The following SOCS4 variants were observed in gnomAD, a reference collection of about 807,000 sequenced individuals.
SOCS4 encodes the protein suppressor of cytokine signaling 4, also known as SH2 domain containing SOCS box protein.
SOCS4 carries 20 observed loss-of-function variants against 34.1 expected under a neutral mutation model. The observed-to-expected ratio is 0.59, with a 90% CI of 0.41 to 0.85. The LOEUF (loss-of-function observed/expected upper bound fraction) is 0.85, where lower values mean the gene tolerates loss of function less well. SOCS4 is among the 40% of genes least tolerant of loss of function. SOCS4 has a pLI of 0.00. For synonymous variants in SOCS4, 180 were observed against 186.4 expected, an observed-to-expected ratio of 0.97 and a Z score of 0.28; for missense variants, 479 against 532.4, an observed-to-expected ratio of 0.90 and a Z score of 0.99.
At chr14:55,033,229 T>G (rs1214470422) in intron 2 of SOCS4, among the ~76,000 whole-genome samples, 1 of 152,190 alleles carries the variant, frequency 6.6e-6, no homozygotes, top group African/African-American at 2.4e-5. Context: ...AAACTAATCT[T>G]TAGTCTTCAT....
chr14:55,041,486 T>G (rs572340103), intron 2 of SOCS4, among the ~76,000 whole-genome samples: 227 of 152,162 alleles, frequency 1.5e-3, no homozygotes, highest in African/African-American at 5.3e-3. Context: ...AATCTTTTTT[T>G]TTTTTCCTCC....
chr14:55,044,836 T>C lies in SOCS4; in HGVS notation c.*472T>C, dbSNP rs1347843298. On this transcript the variant is annotated 3_prime_UTR_variant, in exon 3 of 3. Coordinates refer to ENST00000555846, the MANE Select transcript of SOCS4 (RefSeq NM_199421.2). ...ATATAGTTCCCCGTCCCCCTTTTCATTGAGTTTGATATTCTTCAGTAAAGC... is the reference window on the plus strand; with the variant it reads ...ATATAGTTCCCCGTCCCCCTTTTCACTGAGTTTGATATTCTTCAGTAAAGC... 1.2e-5 allele frequency: 2 copies of C among 167,178 alleles called. No homozygotes were observed. Among genetic ancestry groups the C allele is most frequent in the Non-Finnish European group, 1.5e-5 (1 of 68,186 alleles). 10.4% of individuals were successfully genotyped at this position (167,178 alleles called of 1,614,324 possible).
intron 2 of SOCS4, 141 bp downstream of exon 2, chr14:55,032,132 A>G (rs1461362964): frequency 6.6e-6 from 1 of 152,204 alleles, no homozygotes. Context: ...TAGTATTTAC[A>G]TTAGTTGTGG....
intron 2 of SOCS4, among the ~76,000 whole-genome samples, chr14:55,041,781 A>ATTTTTTTTTTTTTTTT (rs2042620490): frequency 1.4e-5 from 1 of 72,870 alleles, no homozygotes; most frequent in African/African-American, 5.9e-5. Context: ...CCAACCCTTA[A>ATTTTTTTTTTTTTTTT]TCTTTTTTTT....
chr14:55,044,435 A>T lies in SOCS4; in HGVS notation c.*71A>T. Reference sequence around the variant, plus strand: ...AATATTTTATTTTTCTTTTTATGCCACTTTGGATTTTTCTACAAAGGCAGT... The same window carrying T: ...AATATTTTATTTTTCTTTTTATGCCTCTTTGGATTTTTCTACAAAGGCAGT... On this transcript the variant is annotated 3_prime_UTR_variant, in exon 3 of 3. Coordinates refer to ENST00000555846, the MANE Select transcript of SOCS4 (RefSeq NM_199421.2). 1 of 1,181,574 alleles carries T rather than the reference A, an allele frequency of 8.5e-7. No homozygotes were observed. The highest frequency in any genetic ancestry group is 1.1e-6 in the Non-Finnish European group (1 of 918,648). The allele number at this position is 1,181,574 out of a possible 1,614,324, so 73.2% of individuals were successfully genotyped here.
intron 2 of SOCS4, among the ~76,000 whole-genome samples, chr14:55,034,595 AGG>A (rs2042556008): frequency 3.9e-5 from 6 of 152,078 alleles, no homozygotes; most frequent in African/African-American, 1.2e-4. Flanking sequence ...GCACTTTGGG[AGG>A]CCGAGGCAGG....
intron 2 of SOCS4, among the ~76,000 whole-genome samples, chr14:55,042,704 T>A (rs2042631079): frequency 6.6e-6 from 1 of 152,226 alleles, no homozygotes; most frequent in African/African-American, 2.4e-5. Context: ...CTTTTTCTTA[T>A]CCACACTGAA....
intron 1 of SOCS4, among the ~76,000 whole-genome samples, chr14:55,030,434 A>G (rs1040447823): frequency 6.6e-5 from 10 of 152,250 alleles, no homozygotes; most frequent in African/African-American, 2.4e-4. Flanking sequence ...GAAATGGAAG[A>G]GCCTCCTTGA....
At chr14:55,042,693 G>A (rs1302985561) in intron 2 of SOCS4, among the ~76,000 whole-genome samples, 1 of 152,114 alleles carries the variant, frequency 6.6e-6, no homozygotes, top group Non-Finnish European at 1.5e-5. Flanking sequence ...AGGAGGCTTG[G>A]CTTTTTCTTA....
Position 55,027,328 on chromosome 14 carries a change from CA to C in SOCS4, c.-362del. On this transcript the variant is annotated 5_prime_UTR_variant, in exon 1 of 3. The change abolishes the stop of an existing upstream ORF in the 5' untranslated region. Transcript: ENST00000555846. The stretch of plus-strand genomic sequence containing the variant: ...AACGCCGAAGCGGGGTTGGGGGTGG[CA>C]GAAAAGCATCTGCTTTGTAAGACCT... The C allele has an allele frequency of 2.9e-5, 5 of 172,916 alleles. No individual in the cohort carries two copies. The highest frequency in any genetic ancestry group is 5.7e-5 in the Admixed American group (1 of 17,520). 10.7% of individuals were successfully genotyped at this position (172,916 alleles called of 1,614,324 possible). A position where few individuals can be genotyped will look rare whatever the true frequency, so the allele number is the denominator to read the frequency against.
In SOCS4 at chr14:55,048,499, T is replaced by C. The variant is rs184286868; in HGVS notation, c.*4135T>C. The C allele has an allele frequency of 6.4e-3, 1,063 of 167,072 alleles. 8 individuals are homozygous for C. The highest frequency in any genetic ancestry group is 0.012 in the Non-Finnish European group (806 of 68,108). The allele number at this position is 167,072 out of a possible 1,614,324, so 10.3% of individuals were successfully genotyped here. On this transcript the variant is annotated 3_prime_UTR_variant, in exon 3 of 3. Transcript: ENST00000555846. ...GGGGGAAAAAAGTCAGTTTTACATT[T>C]GTAATTTAAGGAAAGAACAGAAAGC...
intron 2 of SOCS4, among the ~76,000 whole-genome samples, chr14:55,035,517 C>T (rs757389505): frequency 1.1e-4 from 17 of 152,166 alleles, no homozygotes; most frequent in Non-Finnish European, 1.0e-4. Flanking sequence ...CTTGTAGTAA[C>T]ACTGCACTAG....
intron 2 of SOCS4, among the ~76,000 whole-genome samples, chr14:55,037,401 TC>T (rs1309121345): frequency 6.6e-6 from 1 of 151,890 alleles, no homozygotes; most frequent in Non-Finnish European, 1.5e-5. Context: ...CCTCCCAAAG[TC>T]CTGGGATTAC....
intron 1 of SOCS4, among the ~76,000 whole-genome samples, chr14:55,029,273 A>T (rs1339729511): frequency 2.0e-5 from 3 of 152,228 alleles, no homozygotes; most frequent in African/African-American, 7.2e-5. Flanking sequence ...ATAGTTTTTT[A>T]AAAAGAAATC....
At chr14:55,041,147 A>G (rs1395049948) in intron 2 of SOCS4, among the ~76,000 whole-genome samples, 1 of 152,140 alleles carries the variant, frequency 6.6e-6, no homozygotes, top group Non-Finnish European at 1.5e-5. Context: ...GGCCTCCCAA[A>G]GTGCTGAGAT....
Position 55,045,859 on chromosome 14 carries a change from C to A in SOCS4, c.*1495C>A, listed in dbSNP as rs1257468955. On this transcript the variant is annotated 3_prime_UTR_variant, in exon 3 of 3. Transcript: ENST00000555846. ...TGAAAGAAATTTGACTCATAAACTT[C>A]CAAGTTAGAACAAATATTTCTTCAT... 1 of 166,858 alleles carries A rather than the reference C, an allele frequency of 6.0e-6. No homozygotes were observed. The highest frequency in any genetic ancestry group is 1.9e-4 in the East Asian group (1 of 5,206). The allele number at this position is 166,858 out of a possible 1,614,324, so 10.3% of individuals were successfully genotyped here.
chr14:55,027,840 A>G (rs1308576393), intron 1 of SOCS4: 3 of 152,224 alleles, frequency 2.0e-5, no homozygotes, highest in African/African-American at 7.2e-5. Context: ...TGTGTTCTCT[A>G]TTCAGATCCC....
chr14:55,035,404 ATGGTC>A (rs1370718844), intron 2 of SOCS4, among the ~76,000 whole-genome samples: 1 of 152,188 alleles, frequency 6.6e-6, no homozygotes, highest in Non-Finnish European at 1.5e-5. Context: ...CTGTAACTTC[ATGGTC>A]TATGAGTTTC....
chr14:55,029,748 A>G (rs1276354834), intron 1 of SOCS4, among the ~76,000 whole-genome samples: 4 of 152,200 alleles, frequency 2.6e-5, no homozygotes, highest in Non-Finnish European at 1.5e-5. Context: ...CATTGAAGGC[A>G]CTTTAGAAAT....
Sources: allele counts gnomAD v4.1 joint callset (sites outside exome capture counted in the v4.1 genomes callset), GRCh38; gene constraint gnomAD v4.1.1; transcripts MANE v1.5; gene names NCBI Gene and HGNC (gene_info 2026-07-23, HGNC 2026-07-21).